The following CDH12 variants were observed in gnomAD, a reference collection of about 807,000 sequenced individuals.
The protein encoded by CDH12 is cadherin 12, also known as cadherin-12.
Under a neutral mutation model 74.1 loss-of-function variants are expected in CDH12, and 41 were observed. That is an observed-to-expected ratio of 0.55 (90% confidence interval 0.43 to 0.72). The LOEUF (loss-of-function observed/expected upper bound fraction) is 0.72, where lower values mean the gene tolerates loss of function less well. CDH12 is among the 30% of genes least tolerant of loss of function. The probability of loss-of-function intolerance (pLI) is 0.00; values close to 1 mark genes in which losing one functional copy is unlikely to be tolerated. For missense variants in CDH12, 945 were observed against 977.2 expected (o/e 0.97, Z 0.44); for synonymous variants, 399 against 355.0 (o/e 1.12, Z -1.39).
At chr5:22,296,305 G>A (rs1737621508) in intron 3 of CDH12, among the ~76,000 whole-genome samples, 1 of 151,954 alleles carries the variant, frequency 6.6e-6, no homozygotes, top group Non-Finnish European at 1.5e-5. Context: ...TATGTTAGAG[G>A]AAATAAAGAA....
intron 1 of CDH12, among the ~76,000 whole-genome samples, chr5:22,687,221 G>A (rs1414089962): frequency 2.0e-5 from 3 of 152,032 alleles, no homozygotes; most frequent in Non-Finnish European, 2.9e-5. Flanking sequence ...TTGAACCAGG[G>A]AGTCGGAGGT....
At chr5:22,017,259 C>T (rs373135786) in intron 5 of CDH12, among the ~76,000 whole-genome samples, 3 of 152,060 alleles carry the variant, frequency 2.0e-5, no homozygotes, top group Non-Finnish European at 4.4e-5. Flanking sequence ...AAAGACTGTT[C>T]TGAGGGTTGC....
At chr5:22,549,030 C>A (rs1436100944) in intron 1 of CDH12, among the ~76,000 whole-genome samples, 1 of 152,178 alleles carries the variant, frequency 6.6e-6, no homozygotes, top group Non-Finnish European at 1.5e-5. Context: ...GTCTTGACCT[C>A]CCGGCCTCAA....
intron 1 of CDH12, among the ~76,000 whole-genome samples, chr5:22,785,728 G>A (rs74478209): frequency 0.013 from 2,008 of 152,100 alleles, 15 homozygotes; most frequent in Non-Finnish European, 0.018. Context: ...ATGTTGCCAA[G>A]GCTGGTTTTG....
At chr5:22,196,024 C>A (rs1750597433) in intron 4 of CDH12, among the ~76,000 whole-genome samples, 1 of 151,940 alleles carries the variant, frequency 6.6e-6, no homozygotes, top group South Asian at 2.1e-4. Flanking sequence ...TTCTACACGT[C>A]TTCATTTCTC....
chr5:21,925,926 A>G (rs898257385), intron 6 of CDH12, among the ~76,000 whole-genome samples: 1 of 129,538 alleles, frequency 7.7e-6, no homozygotes, highest in Non-Finnish European at 1.7e-5. Context: ...TATGACTCCA[A>G]TAACATGCTT....
chr5:22,206,738 A>G (rs996777228), intron 4 of CDH12, among the ~76,000 whole-genome samples: 3 of 148,438 alleles, frequency 2.0e-5, no homozygotes, highest in Non-Finnish European at 4.5e-5. Context: ...ATCAATATGC[A>G]AAGTATGCAA....
chr5:22,393,717 G>T (rs2126425840), intron 3 of CDH12, among the ~76,000 whole-genome samples: 1 of 152,252 alleles, frequency 6.6e-6, no homozygotes, highest in East Asian at 1.9e-4. Flanking sequence ...ACATGGTAGA[G>T]AAAGTCTCTA....
chr5:21,766,071 T>C (rs1745006812), intron 11 of CDH12, among the ~76,000 whole-genome samples: 1 of 152,020 alleles, frequency 6.6e-6, no homozygotes, highest in Admixed American at 6.6e-5. Flanking sequence ...AGTTAAATTC[T>C]TCTGCAAAGC....
chr5:22,455,806 A>G (rs1030039731), intron 2 of CDH12, among the ~76,000 whole-genome samples: 2 of 152,182 alleles, frequency 1.3e-5, no homozygotes, highest in African/African-American at 4.8e-5. Flanking sequence ...CTACAGAGAC[A>G]GGAAGAAAGC....
At chr5:21,934,850 G>A (rs1476011461) in intron 6 of CDH12, among the ~76,000 whole-genome samples, 1 of 151,824 alleles carries the variant, frequency 6.6e-6, no homozygotes, top group Non-Finnish European at 1.5e-5. Flanking sequence ...GCAGTGGCGC[G>A]ATCTTGGCTC....
At chr5:22,569,241 G>C (rs557815535) in intron 1 of CDH12, among the ~76,000 whole-genome samples, 1 of 152,168 alleles carries the variant, frequency 6.6e-6, no homozygotes, top group South Asian at 2.1e-4. Context: ...TTGGGTGAAG[G>C]GGGTGGATCC....
chr5:22,397,206 C>A (rs570673634), intron 3 of CDH12, among the ~76,000 whole-genome samples: 3 of 152,128 alleles, frequency 2.0e-5, no homozygotes, highest in Admixed American at 1.3e-4. Flanking sequence ...CTCAAATAAT[C>A]ATGGCAAAGT....
intron 7 of CDH12, among the ~76,000 whole-genome samples, chr5:21,848,313 A>C (rs1201398811): frequency 6.6e-6 from 1 of 152,070 alleles, no homozygotes; most frequent in Non-Finnish European, 1.5e-5. Flanking sequence ...GGAAACATTA[A>C]AAACAGTATT....
intron 3 of CDH12, among the ~76,000 whole-genome samples, chr5:22,272,429 T>C (rs1262377621): frequency 6.6e-6 from 1 of 152,224 alleles, no homozygotes; most frequent in Non-Finnish European, 1.5e-5. Context: ...TTCACTTTAT[T>C]TTCATTCATG....
intron 8 of CDH12, among the ~76,000 whole-genome samples, chr5:21,825,152 C>CAA (rs34483269): frequency 5.7e-5 from 7 of 122,120 alleles, no homozygotes; most frequent in Non-Finnish European, 7.1e-5. Context: ...GACTCTATCT[C>CAA]AAAAAAAAAA....
At chr5:22,265,032 T>C (rs143278692) in intron 3 of CDH12, among the ~76,000 whole-genome samples, 1,970 of 152,294 alleles carry the variant, frequency 0.013, 50 homozygotes, top group African/African-American at 0.044. Context: ...AATAAGTTTT[T>C]GTTAGCATGA....
chr5:22,706,977 A>G (rs1743040508), intron 1 of CDH12, among the ~76,000 whole-genome samples: 1 of 152,152 alleles, frequency 6.6e-6, no homozygotes, highest in Admixed American at 6.6e-5. Flanking sequence ...AATAACTCCC[A>G]CATCTAAGGA....
chr5:22,181,919 C>A (rs1409779545), intron 4 of CDH12, among the ~76,000 whole-genome samples: 1 of 152,148 alleles, frequency 6.6e-6, no homozygotes, highest in Admixed American at 6.6e-5. Flanking sequence ...TGCCACATCT[C>A]TCCATACTCA....
Sources: gnomAD v4.1 joint callset for allele counts (sites outside exome capture counted in the v4.1 genomes callset) on GRCh38, gnomAD v4.1.1 for gene constraint, MANE v1.5 for transcripts, NCBI Gene and HGNC (gene_info 2026-07-23, HGNC 2026-07-21) for gene names.